KNG1: variants seen among roughly 807,000 people sequenced by gnomAD.
KNG1 encodes kininogen-1.
KNG1 carries 23 observed loss-of-function variants against 47.8 expected under a neutral mutation model. The observed-to-expected ratio is 0.48, with a 90% CI of 0.35 to 0.68. KNG1 has a LOEUF of 0.68. Ranked by LOEUF, KNG1 falls within the 30% of genes least tolerant of loss-of-function variation. KNG1 has a pLI of 0.01. For missense variants in KNG1, 762 were observed against 790.2 expected (o/e 0.96, Z 0.43); for synonymous variants, 277 against 277.0 (o/e 1.00, Z 0.00).
intron 7 of KNG1, among the ~76,000 whole-genome samples, chr3:186,734,346 A>T (rs1358729387): frequency 1.3e-5 from 2 of 152,232 alleles, no homozygotes; most frequent in African/African-American, 4.8e-5. Context: ...GCAGCAACTT[A>T]AAAGCATCTT....
intron 7 of KNG1, among the ~76,000 whole-genome samples, chr3:186,733,365 C>G (rs542722538): frequency 6.6e-6 from 1 of 152,292 alleles, no homozygotes; most frequent in African/African-American, 2.4e-5. Flanking sequence ...ATTATAACAT[C>G]ACATAATGTC....
At chr3:186,734,014 G>A (rs1448314902) in intron 7 of KNG1, among the ~76,000 whole-genome samples, 1 of 152,120 alleles carries the variant, frequency 6.6e-6, no homozygotes, top group East Asian at 1.9e-4. Flanking sequence ...AATAGTCTCT[G>A]ACTGATGTCA....
intron 7 of KNG1, 30 bp from the exon 8 acceptor site, chr3:186,739,069 G>A (rs763223155): frequency 6.8e-7 from 1 of 1,476,446 alleles, no homozygotes; most frequent in Non-Finnish European, 9.5e-7. Context: ...ATATTTTTAA[G>A]CGTTTACTTT....
rs747589676 is a variant in KNG1 at position 186,743,731 on chromosome 3, G to C, written c.*1400G>C. ...GTCACCTAAGGTCCTGCGAGTACAA[G>C]GGTCGACCCCCAAAGGCAGGGGCAG... On this transcript the variant is annotated 3_prime_UTR_variant, in exon 10 of 10. Coordinates refer to ENST00000644859, the MANE Select transcript of KNG1 (RefSeq NM_001102416.3). 2 of 1,614,072 alleles carry C rather than the reference G, an allele frequency of 1.2e-6. No individual in the cohort carries two copies.
intron 7 of KNG1, among the ~76,000 whole-genome samples, chr3:186,733,851 C>T (rs1283017754): frequency 6.6e-6 from 1 of 152,076 alleles, no homozygotes; most frequent in East Asian, 1.9e-4. Flanking sequence ...GCCTGTAATC[C>T]CAGCTACTCG....
intron 4 of KNG1, among the ~76,000 whole-genome samples, chr3:186,726,636 T>C (rs1720381534): frequency 6.6e-6 from 1 of 152,164 alleles, no homozygotes; most frequent in Non-Finnish European, 1.5e-5. Flanking sequence ...TATTTCAGCC[T>C]CTTATTATGA....
At chr3:186,728,035 A>G (rs542999771) in intron 5 of KNG1, among the ~76,000 whole-genome samples, 1 of 152,068 alleles carries the variant, frequency 6.6e-6, no homozygotes, top group Non-Finnish European at 1.5e-5. Flanking sequence ...GTTATTCTTC[A>G]TGTCAAACTT....
At position 186,741,973 on chromosome 3, in the gene KNG1, G is replaced by T. The variant is rs1720825698; in HGVS notation, c.1577G>T (p.Ser526Ile). 1 of 1,614,244 alleles carries T rather than the reference G, an allele frequency of 6.2e-7. No homozygotes were observed. The highest frequency in any genetic ancestry group is 8.5e-7 in the Non-Finnish European group (1 of 1,180,046). ...GGTTGGAAAACAGAGCATTTGGCAA[G>T]CTCTTCTGAAGACAGTACTACACCT... ...HNGWKTEHLA[S>I]SSEDSTTPSA... Residue 526 changes from serine to isoleucine, a missense_variant, in exon 10 of 10, where the codon AGC becomes ATC. By Grantham distance (142) the Ser-to-Ile change is moderately radical. Transcript: ENST00000644859.
intron 2 of KNG1, 45 bp downstream of exon 2, chr3:186,720,260 C>A (rs1455215295): frequency 2.4e-6 from 3 of 1,276,284 alleles, no homozygotes; most frequent in Admixed American, 1.8e-5. Flanking sequence ...TCTCCGTTGA[C>A]CCTGCCAGAT....
chr3:186,726,941 A>C (rs1269001051), intron 4 of KNG1, among the ~76,000 whole-genome samples: 1 of 152,172 alleles, frequency 6.6e-6, no homozygotes, highest in African/African-American at 2.4e-5. Flanking sequence ...GATTCACTTA[A>C]GGAAATCCAT....
intron 7 of KNG1, among the ~76,000 whole-genome samples, chr3:186,733,048 C>G (rs1048896791): frequency 6.6e-6 from 1 of 152,060 alleles, no homozygotes; most frequent in Non-Finnish European, 1.5e-5. Flanking sequence ...GAGATCAAGA[C>G]CATCCTGGCC....
At chr3:186,737,308 C>T (rs1426188582) in intron 7 of KNG1, among the ~76,000 whole-genome samples, 3 of 152,012 alleles carry the variant, frequency 2.0e-5, no homozygotes, top group African/African-American at 4.8e-5. Flanking sequence ...TGGCTTTTGT[C>T]CATTTTTAGT....
Position 186,741,524 on chromosome 3 carries a change from C to T in KNG1, c.1128C>T (p.Ile376=), listed in dbSNP as rs762543691. 6.2e-7 allele frequency: 1 copy of T among 1,608,730 alleles called. No homozygotes were observed. The highest frequency in any genetic ancestry group is 1.7e-5 in the Admixed American group (1 of 58,042). ...TCATCTTAATATTTTCTGTTTAGAT[C>T]TCACTGATGAAAAGGCCTCCAGGTT... is the stretch of plus-strand genomic sequence containing the variant. ...PTVNCQPLGM[I]SLMKRPPGFS... The change falls in exon 10 of 10, where the codon ATC becomes ATT. Residue 376 remains isoleucine (I), a splice_region_variant and synonymous_variant. Coordinates refer to ENST00000644859, the MANE Select transcript of KNG1 (RefSeq NM_001102416.3).
At chr3:186,727,442 G>A (rs891840780) in intron 5 of KNG1, 98 bp downstream of exon 5, 5 of 800,260 alleles carry the variant, frequency 6.2e-6, no homozygotes, top group Non-Finnish European at 1.1e-5. Context: ...GAAAAGTTTA[G>A]ATGACATTCA....
Position 186,743,084 on chromosome 3 carries a change from C to A in KNG1, c.*753C>A, listed in dbSNP as rs1720856949. ...AGTGTTTCTCATAAGTCAAAAATTT[C>A]TGTTTACTCATTAACTACTCTTTGC... On this transcript the variant is annotated 3_prime_UTR_variant, in exon 10 of 10. Coordinates refer to ENST00000644859, the MANE Select transcript of KNG1 (RefSeq NM_001102416.3). 2.8e-6 allele frequency: 1 copy of A among 360,720 alleles called. No homozygotes were observed. Among genetic ancestry groups the A allele is most frequent in the Non-Finnish European group, 3.9e-6 (1 of 259,060 alleles). The allele number at this position is 360,720 out of a possible 1,614,324, so 22.3% of individuals were successfully genotyped here. A position where few individuals can be genotyped will look rare whatever the true frequency, so the allele number is the denominator to read the frequency against.
In KNG1 at chr3:186,720,093, G is replaced by C; in HGVS notation, c.196-12G>C. On this transcript the variant is annotated splice_polypyrimidine_tract_variant and intron_variant, in intron 1 of 9. Transcript: ENST00000644859. ...GTTGGATGAACCCTAAGTATCTTTG[G>C]CTGCTTTTCAGGTTGGCTCTGACAC... 1 of 1,574,606 alleles carries C rather than the reference G, an allele frequency of 6.4e-7. No homozygotes were observed.
At chr3:186,738,174 C>CA (rs910300856) in intron 7 of KNG1, 1 of 151,540 alleles carries the variant, frequency 6.6e-6, no homozygotes, top group African/African-American at 2.4e-5. Context: ...GGTGGGGTTT[C>CA]ACCACGTTGG....
intron 1 of KNG1, among the ~76,000 whole-genome samples, chr3:186,719,703 TGG>T: frequency 6.8e-6 from 1 of 146,848 alleles, no homozygotes; most frequent in Non-Finnish European, 1.5e-5. Flanking sequence ...CACTCCAGCC[TGG>T]GCGACAGAGC....
intron 7 of KNG1, chr3:186,735,746 G>A (rs1720657184): frequency 6.6e-6 from 1 of 152,398 alleles, no homozygotes; most frequent in Non-Finnish European, 1.5e-5. Context: ...AGACTGCAGT[G>A]AGCTGTGATC....
Sources: gnomAD v4.1 joint callset for allele counts (sites outside exome capture counted in the v4.1 genomes callset) on GRCh38, gnomAD v4.1.1 for gene constraint, MANE v1.5 for transcripts, NCBI Gene and HGNC (gene_info 2026-07-23, HGNC 2026-07-21) for gene names.